The following SCGN variants were observed in gnomAD, a reference collection of about 807,000 sequenced individuals.
SCGN encodes secretagogin.
Under a neutral mutation model 39.7 loss-of-function variants are expected in SCGN, and 30 were observed. The observed-to-expected ratio is 0.76, with a 90% CI of 0.57 to 1.03. SCGN has a LOEUF of 1.03. SCGN is among the 50% of genes least tolerant of loss of function. SCGN has a pLI of 0.00. For synonymous variants in SCGN, 106 were observed against 114.1 expected, an observed-to-expected ratio of 0.93 and a Z score of 0.45; for missense variants, 353 against 349.4, an observed-to-expected ratio of 1.01 and a Z score of -0.08.
intron 2 of SCGN, among the ~76,000 whole-genome samples, chr6:25,660,371 G>T (rs1263774474): frequency 6.6e-6 from 1 of 152,200 alleles, no homozygotes; most frequent in Non-Finnish European, 1.5e-5. Flanking sequence ...TGTGATGGAG[G>T]GCAAAGACCA....
At chr6:25,667,650 T>C (rs550444606) in intron 4 of SCGN, among the ~76,000 whole-genome samples, 1 of 152,214 alleles carries the variant, frequency 6.6e-6, no homozygotes, top group Admixed American at 6.5e-5. Flanking sequence ...CCATTCCTTT[T>C]TGTATGTCTT....
chr6:25,653,500 C>T lies in SCGN; in HGVS notation c.153+48C>T, dbSNP rs780286852. ...TTAATTTATGCCTCTTAGTAAGATACGCACATCCAAGTCTTATATTGATTG... is the reference window on the plus strand; with the variant it reads ...TTAATTTATGCCTCTTAGTAAGATATGCACATCCAAGTCTTATATTGATTG... On this transcript the variant is annotated intron_variant, in intron 2 of 10. Coordinates refer to ENST00000377961, the MANE Select transcript of SCGN (RefSeq NM_006998.4). 16 of 1,353,074 alleles carry T rather than the reference C, an allele frequency of 1.2e-5. No homozygotes were observed. The Admixed American group carries it at 1.9e-4, about 16-fold the overall frequency. 83.8% of individuals were successfully genotyped at this position (1,353,074 alleles called of 1,614,324 possible). A position where few individuals can be genotyped will look rare whatever the true frequency, so the allele number is the denominator to read the frequency against.
At chr6:25,680,203 G>T (rs569858935) in intron 6 of SCGN, among the ~76,000 whole-genome samples, 8 of 152,188 alleles carry the variant, frequency 5.3e-5, no homozygotes, top group African/African-American at 1.9e-4. Context: ...TTCACTAAAG[G>T]TTATACTTGC....
intron 2 of SCGN, among the ~76,000 whole-genome samples, chr6:25,654,861 G>T (rs1210507418): frequency 6.6e-6 from 1 of 152,172 alleles, no homozygotes; most frequent in Non-Finnish European, 1.5e-5. Flanking sequence ...CAGACGAGAA[G>T]GATAGAGACA....
intron 3 of SCGN, among the ~76,000 whole-genome samples, chr6:25,663,954 C>T (rs1760384951): frequency 6.6e-6 from 1 of 152,176 alleles, no homozygotes; most frequent in Non-Finnish European, 1.5e-5. Context: ...TTGTACAAGA[C>T]ACTGAGCAAA....
At chr6:25,659,480 T>C (rs1481941788) in intron 2 of SCGN, among the ~76,000 whole-genome samples, 1 of 152,212 alleles carries the variant, frequency 6.6e-6, no homozygotes, top group Non-Finnish European at 1.5e-5. Context: ...TGGCCTGTTT[T>C]CTCCATCAGT....
Position 25,701,398 on chromosome 6 carries a change from CTG to C in SCGN, c.*66_*67del. ...TGTGATCTTGCTGGTAGAATTGTAT[CTG>C]TGCATTGATGTTGGGAACACAGTGG... On this transcript the variant is annotated 3_prime_UTR_variant, in exon 11 of 11. Coordinates refer to ENST00000377961, the MANE Select transcript of SCGN (RefSeq NM_006998.4). 6.4e-7 allele frequency: 1 copy of C among 1,574,572 alleles called. No individual in the cohort carries two copies. The highest frequency in any genetic ancestry group is 8.6e-7 in the Non-Finnish European group (1 of 1,159,412).
rs76289043 is a variant in SCGN, at chr6:25,664,880, G to A, written c.247-63G>A. On this transcript the variant is annotated intron_variant, in intron 3 of 10. Transcript: ENST00000377961. ...ATATGCACCACCATGCCTTTTACCA[G>A]GGAGCACTCTTGAAATGGACACTGG... 251 of 1,281,200 alleles carry A rather than the reference G, an allele frequency of 2.0e-4. 1 individual carries two copies. The African/African-American group carries it at 3.3e-3, about 17-fold the overall frequency. 79.4% of individuals were successfully genotyped at this position (1,281,200 alleles called of 1,614,324 possible).
chr6:25,670,916 C>G (rs1464305244), intron 6 of SCGN, among the ~76,000 whole-genome samples: 2 of 152,176 alleles, frequency 1.3e-5, no homozygotes, highest in African/African-American at 4.8e-5. Context: ...TCCCCTATTC[C>G]TTTCTCATCC....
chr6:25,677,455 A>AG (rs1213806989), intron 6 of SCGN, among the ~76,000 whole-genome samples: 1 of 152,138 alleles, frequency 6.6e-6, no homozygotes, highest in Admixed American at 6.5e-5. Flanking sequence ...ATAATATGGG[A>AG]GGGGGGTTCT....
In SCGN at chr6:25,670,036, C is replaced by A; in HGVS notation, c.431C>A (p.Ala144Asp). ...LRDLFLHHKKAISEAKLEEYT... is the reference protein window; with the variant it reads ...LRDLFLHHKKDISEAKLEEYT... ...GACCTCTTTCTTCACCACAAAAAGG[C>A]CATTTCTGAGGCTAAACTGGAAGAA... Residue 144 changes from alanine to aspartate, a missense_variant, in exon 6 of 11, where the codon GCC becomes GAC. Transcript: ENST00000377961. 6.2e-7 allele frequency: 1 copy of A among 1,613,698 alleles called. No individual in the cohort carries two copies. The highest frequency in any genetic ancestry group is 8.5e-7 in the Non-Finnish European group (1 of 1,179,754).
At chr6:25,700,813 A>G (rs1467980250) in intron 10 of SCGN, among the ~76,000 whole-genome samples, 1 of 152,072 alleles carries the variant, frequency 6.6e-6, no homozygotes, top group Non-Finnish European at 1.5e-5. Context: ...TTTTTAAACC[A>G]GAGGCACAAA....
chr6:25,691,637 T>C (rs137916408), intron 10 of SCGN, among the ~76,000 whole-genome samples: 1 of 152,234 alleles, frequency 6.6e-6, no homozygotes, highest in African/African-American at 2.4e-5. Context: ...AGCTGTTTTA[T>C]GTAGGATAGA....
At chr6:25,680,905 G>A (rs1022362654) in intron 6 of SCGN, among the ~76,000 whole-genome samples, 7 of 152,150 alleles carry the variant, frequency 4.6e-5, no homozygotes, top group African/African-American at 1.4e-4. Flanking sequence ...AAGGATGGGG[G>A]ACTAATGCAT....
At chr6:25,658,512 G>T (rs1412286303) in intron 2 of SCGN, among the ~76,000 whole-genome samples, 1 of 152,118 alleles carries the variant, frequency 6.6e-6, no homozygotes, top group Admixed American at 6.5e-5. Context: ...ACCTTGATAT[G>T]GCTAGGATGC....
Position 25,669,566 on chromosome 6 carries a change from G to T in SCGN, c.392G>T (p.Arg131Leu). ...SSGFISAAEL[R>L]NFLRDLFLHH... ...GGCTTTATATCAGCTGCTGAGCTCCGCGTGAGTGTCACTGGGTGAAGGGTG... is the reference window on the plus strand; with the variant it reads ...GGCTTTATATCAGCTGCTGAGCTCCTCGTGAGTGTCACTGGGTGAAGGGTG... Residue 131 changes from arginine (R) to leucine (L), a missense_variant and splice_region_variant, in exon 5 of 11, where the codon CGC (arginine) becomes CTC (leucine). Physicochemically the swap from Arg to Leu is moderately radical, Grantham distance 102. Transcript: ENST00000377961. 1 of 1,612,416 alleles carries T rather than the reference G, an allele frequency of 6.2e-7. No homozygotes were observed. Among genetic ancestry groups the T allele is most frequent in the Non-Finnish European group, 8.5e-7 (1 of 1,178,474 alleles).
intron 1 of SCGN, 42 bp from the exon 2 acceptor site, chr6:25,653,340 T>A: frequency 7.7e-7 from 1 of 1,303,154 alleles, no homozygotes; most frequent in Non-Finnish European, 1.1e-6. Context: ...TCATGTGTTT[T>A]TTATATGTTA....
At chr6:25,669,852 C>A in intron 5 of SCGN, 147 bp from the exon 6 acceptor site, 1 of 743,082 alleles carries the variant, frequency 1.3e-6, no homozygotes. Context: ...CAGTGACAGC[C>A]CTCCATTCTT....
chr6:25,658,102 C>T (rs565403229), intron 2 of SCGN, among the ~76,000 whole-genome samples: 3 of 127,968 alleles, frequency 2.3e-5, no homozygotes, highest in African/African-American at 5.9e-5. Context: ...TGCAGTGGTG[C>T]GATCTTGGCT....
Sources: gnomAD v4.1 joint callset for allele counts (sites outside exome capture counted in the v4.1 genomes callset) on GRCh38, gnomAD v4.1.1 for gene constraint, MANE v1.5 for transcripts, NCBI Gene and HGNC (gene_info 2026-07-23, HGNC 2026-07-21) for gene names.